GPC5: variants seen among roughly 807,000 people sequenced by gnomAD.
GPC5 encodes glypican-5.
Under a neutral mutation model 53.9 loss-of-function variants are expected in GPC5, and 47 were observed. The ratio of observed to expected loss-of-function variants is 0.87; its 90% CI spans 0.69 to 1.11. The LOEUF (loss-of-function observed/expected upper bound fraction) is 1.11, where lower values mean the gene tolerates loss of function less well. Among genes scored for constraint, GPC5 ranks in the 50% most tolerant of loss-of-function variants. GPC5 has a pLI of 0.00. For missense variants in GPC5, 748 were observed against 713.1 expected (o/e 1.05, Z -0.56); for synonymous variants, 286 against 263.3 (o/e 1.09, Z -0.84).
intron 7 of GPC5, among the ~76,000 whole-genome samples, chr13:92,815,000 T>A (rs947734225): frequency 2.6e-5 from 4 of 152,020 alleles, no homozygotes; most frequent in Non-Finnish European, 5.9e-5. Flanking sequence ...CAATTTTATA[T>A]GTTAGGAAGC....
At chr13:91,945,600 C>T (rs2039966844) in intron 6 of GPC5, among the ~76,000 whole-genome samples, 1 of 152,076 alleles carries the variant, frequency 6.6e-6, no homozygotes, top group Non-Finnish European at 1.5e-5. Context: ...ATTTCCTTGA[C>T]TGGTTAATAG....
At chr13:91,622,754 T>C (rs2033895660) in intron 2 of GPC5, among the ~76,000 whole-genome samples, 1 of 152,064 alleles carries the variant, frequency 6.6e-6, no homozygotes, top group Admixed American at 6.5e-5. Context: ...TTGAGGCATG[T>C]TTGAAGAAGG....
intron 7 of GPC5, among the ~76,000 whole-genome samples, chr13:92,530,571 T>C (rs943302202): frequency 8.5e-5 from 13 of 152,192 alleles, no homozygotes; most frequent in East Asian, 3.8e-4. Flanking sequence ...TTCAGACAAG[T>C]ACACAGAAGC....
At chr13:92,509,916 C>T (rs560975790) in intron 7 of GPC5, 1 of 152,152 alleles carries the variant, frequency 6.6e-6, no homozygotes, top group Non-Finnish European at 1.5e-5. Flanking sequence ...AATTGCTACA[C>T]TTTAAACATG....
chr13:91,459,286 C>A (rs1043677179), intron 2 of GPC5, among the ~76,000 whole-genome samples: 4 of 151,748 alleles, frequency 2.6e-5, no homozygotes, highest in African/African-American at 7.3e-5. Context: ...CAGAGCAAGA[C>A]CCTGTCTTAA....
At chr13:91,646,677 A>G (rs1258543002) in intron 2 of GPC5, among the ~76,000 whole-genome samples, 9 of 152,180 alleles carry the variant, frequency 5.9e-5, no homozygotes, top group African/African-American at 1.9e-4. Flanking sequence ...CATAAAAGAC[A>G]TAGAAAGGTT....
chr13:92,380,869 T>A (rs1487614064), intron 7 of GPC5, among the ~76,000 whole-genome samples: 1 of 151,272 alleles, frequency 6.6e-6, no homozygotes, highest in Non-Finnish European at 1.5e-5. Flanking sequence ...GTAACTAACC[T>A]GCACAATGTG....
intron 2 of GPC5, among the ~76,000 whole-genome samples, chr13:91,496,058 A>C (rs1884244540): frequency 6.6e-6 from 1 of 152,070 alleles, no homozygotes; most frequent in Admixed American, 6.5e-5. Context: ...ATAAAAAATA[A>C]AATTAGATCT....
chr13:92,699,488 C>T (rs1450047260), intron 7 of GPC5, among the ~76,000 whole-genome samples: 1 of 151,848 alleles, frequency 6.6e-6, no homozygotes, highest in Admixed American at 6.6e-5. Flanking sequence ...TTTGTTTGTT[C>T]CTGCTTCTCT....
intron 7 of GPC5, among the ~76,000 whole-genome samples, chr13:92,700,939 T>G (rs1386098477): frequency 6.6e-6 from 1 of 152,110 alleles, no homozygotes; most frequent in Non-Finnish European, 1.5e-5. Context: ...TTCTTAGGGT[T>G]TCTTCTGGGT....
At chr13:92,529,265 C>A (rs903311987) in intron 7 of GPC5, among the ~76,000 whole-genome samples, 12 of 151,996 alleles carry the variant, frequency 7.9e-5, no homozygotes, top group African/African-American at 2.9e-4. Flanking sequence ...TGCATGAATT[C>A]AATATGGCAA....
chr13:91,607,184 CAAT>C, intron 2 of GPC5, among the ~76,000 whole-genome samples: 1 of 72,600 alleles, frequency 1.4e-5, no homozygotes, highest in East Asian at 1.2e-3. Flanking sequence ...TTTATCATAT[CAAT>C]AATGATGCCA....
chr13:91,642,058 C>T (rs1387621341), intron 2 of GPC5, among the ~76,000 whole-genome samples: 3 of 152,096 alleles, frequency 2.0e-5, no homozygotes, highest in Non-Finnish European at 4.4e-5. Flanking sequence ...GGCAGTTTAA[C>T]AGGAGGCCCA....
At chr13:91,720,786 C>T (rs2036446413) in intron 3 of GPC5, among the ~76,000 whole-genome samples, 1 of 152,082 alleles carries the variant, frequency 6.6e-6, no homozygotes, top group African/African-American at 2.4e-5. Context: ...CTTCATGTGC[C>T]CAGTCGCTTC....
intron 6 of GPC5, among the ~76,000 whole-genome samples, chr13:92,089,448 A>ATAAT (rs1369693158): frequency 2.0e-5 from 3 of 152,174 alleles, no homozygotes; most frequent in African/African-American, 7.2e-5. Flanking sequence ...AAATAAATAA[A>ATAAT]TAAGCAAACC....
chr13:92,190,529 G>T (rs1194865384), intron 7 of GPC5, among the ~76,000 whole-genome samples: 1 of 152,060 alleles, frequency 6.6e-6, no homozygotes, highest in Non-Finnish European at 1.5e-5. Context: ...ATATGCATAT[G>T]TATGCTTATA....
Position 92,724,162 on chromosome 13 carries a change from T to A in GPC5, c.1562-142120T>A, listed in dbSNP as rs190961058. On this transcript the variant is annotated intron_variant, in intron 7 of 7. Transcript: ENST00000377067. ...ATAGAAGTTGAGTTAAAGTCTAAAA[T>A]TATTCTAGGTCAAAAAATAAATTAA... Among the ~76,000 whole-genome samples the A allele has an allele frequency of 3.5e-3, 532 of 151,664 alleles. 4 individuals are homozygous for A. Among genetic ancestry groups the A allele is most frequent in the African/African-American group, 0.012 (494 of 41,512 alleles).
At chr13:92,747,449 G>T (rs963186519) in intron 7 of GPC5, among the ~76,000 whole-genome samples, 11 of 152,250 alleles carry the variant, frequency 7.2e-5, no homozygotes, top group African/African-American at 2.6e-4. Context: ...AGAAAGAGAA[G>T]TCATTTTATG....
At chr13:91,542,747 G>A (rs1269189141) in intron 2 of GPC5, among the ~76,000 whole-genome samples, 1 of 151,682 alleles carries the variant, frequency 6.6e-6, no homozygotes, top group African/African-American at 2.4e-5. Context: ...GCAATGGCGC[G>A]ATCTCAGCTC....
Sources: allele counts gnomAD v4.1 joint callset (sites outside exome capture counted in the v4.1 genomes callset), GRCh38; gene constraint gnomAD v4.1.1; transcripts MANE v1.5; gene names NCBI Gene and HGNC (gene_info 2026-07-23, HGNC 2026-07-21).